NLGN4X: variants seen among roughly 807,000 people sequenced by gnomAD.
NLGN4X encodes the protein neuroligin 4 X-linked.
NLGN4X carries 3 observed loss-of-function variants against 40.3 expected under a neutral mutation model. The observed-to-expected ratio is 0.07, with a 90% confidence interval of 0.03 to 0.19. NLGN4X has a LOEUF of 0.19. Ranked by LOEUF, NLGN4X falls within the 10% of genes least tolerant of loss-of-function variation. The probability of loss-of-function intolerance (pLI) is 1.00; values close to 1 mark genes in which losing one functional copy is unlikely to be tolerated. For synonymous variants in NLGN4X, 270 were observed against 306.8 expected (o/e 0.88, Z 1.25); for missense variants, 382 against 708.3 (o/e 0.54, Z 5.23).
At chrX:6,058,225 T>C (rs1332526052) in intron 2 of NLGN4X, among the ~76,000 whole-genome samples, 1 of 111,251 alleles carries the variant, frequency 9.0e-6, no homozygotes, top group Non-Finnish European at 1.9e-5. Flanking sequence ...AATTGAAGCA[T>C]TGATAGCTTA....
intron 3 of NLGN4X, among the ~76,000 whole-genome samples, chrX:5,994,324 T>C (rs779742439): frequency 2.7e-5 from 3 of 111,898 alleles, no homozygotes; most frequent in South Asian, 3.8e-4. Context: ...CCAGCCAGTA[T>C]GTACTTTACT....
chrX:5,915,175 T>C (rs963788575), intron 3 of NLGN4X, among the ~76,000 whole-genome samples: 7 of 112,415 alleles, frequency 6.2e-5, no homozygotes, highest in African/African-American at 2.3e-4. Context: ...CTATTTCCAA[T>C]ATCAGTAGAG....
chrX:6,066,310 G>A (rs961364681), intron 2 of NLGN4X, among the ~76,000 whole-genome samples: 3 of 111,968 alleles, frequency 2.7e-5, no homozygotes, highest in African/African-American at 9.8e-5. Flanking sequence ...ACCTCATCTT[G>A]TCCTATGCTA....
At chrX:6,048,495 A>G (rs757570978) in intron 2 of NLGN4X, among the ~76,000 whole-genome samples, 1 of 111,727 alleles carries the variant, frequency 9.0e-6, no homozygotes, top group South Asian at 3.8e-4. Context: ...TTTTCTAATA[A>G]TCGCCATTCT....
At chrX:6,120,588 T>C (rs1297177286) in intron 2 of NLGN4X, among the ~76,000 whole-genome samples, 1 of 112,118 alleles carries the variant, frequency 8.9e-6, no homozygotes, top group Admixed American at 9.5e-5. Flanking sequence ...ATCATATAAC[T>C]GCAGTGTTCA....
intron 3 of NLGN4X, among the ~76,000 whole-genome samples, chrX:5,992,703 G>C (rs1007404230): frequency 4.5e-5 from 5 of 111,728 alleles, no homozygotes; most frequent in South Asian, 7.6e-4. Flanking sequence ...AGGCCTCAGG[G>C]AGCTTCCACT....
intron 2 of NLGN4X, among the ~76,000 whole-genome samples, chrX:6,110,389 G>A (rs945426497): frequency 8.1e-5 from 9 of 110,998 alleles, no homozygotes; most frequent in African/African-American, 2.0e-4. Context: ...GAAATTTGGC[G>A]ACCCTCCCAA....
At chrX:5,955,226 C>A (rs1248917212) in intron 3 of NLGN4X, among the ~76,000 whole-genome samples, 1 of 111,169 alleles carries the variant, frequency 9.0e-6, no homozygotes, top group Admixed American at 9.6e-5. Flanking sequence ...CATGAGAGAG[C>A]CCTTTATTTC....
chrX:5,931,137 T>A lies in NLGN4X; in HGVS notation c.626-21898A>T, dbSNP rs183000887. On this transcript the variant is annotated intron_variant, in intron 3 of 5. Coordinates refer to ENST00000381095, the MANE Select transcript of NLGN4X (RefSeq NM_181332.3). ...TGGGTTGGGAGGCAGAGTGGGGAAA[T>A]GTAGTGGATTTGCTCTCTGGAGCTC... 8.2e-3 allele frequency among the ~76,000 whole-genome samples: 920 copies of A among 112,078 alleles called. 12 individuals carry two copies. The highest frequency in any genetic ancestry group is 0.028 in the African/African-American group (850 of 30,875).
chrX:6,064,457 T>C lies in NLGN4X; in HGVS notation c.473-35025A>G, dbSNP rs878948966. 5.0e-4 allele frequency among the ~76,000 whole-genome samples: 56 copies of C among 111,911 alleles called. 1 individual carries two copies. Among genetic ancestry groups the C allele is most frequent in the African/African-American group, 1.7e-3 (52 of 30,845 alleles). On this transcript the variant is annotated intron_variant, in intron 2 of 5. Coordinates refer to ENST00000381095, the MANE Select transcript of NLGN4X (RefSeq NM_181332.3). Reference sequence around the variant, plus strand: ...TCCCCGCCCGCTGGGAGAATTTCCATTGTGAAAAACACATTTACAATCATC... The same window carrying C: ...TCCCCGCCCGCTGGGAGAATTTCCACTGTGAAAAACACATTTACAATCATC...
intron 3 of NLGN4X, among the ~76,000 whole-genome samples, chrX:6,025,431 A>G (rs1199441748): frequency 8.9e-6 from 1 of 111,792 alleles, no homozygotes; most frequent in African/African-American, 3.3e-5. Context: ...TATTTGATAG[A>G]TATTAGTTAG....
At chrX:6,068,000 G>A (rs904889273) in intron 2 of NLGN4X, among the ~76,000 whole-genome samples, 2 of 111,427 alleles carry the variant, frequency 1.8e-5, no homozygotes, top group South Asian at 3.8e-4. Flanking sequence ...TATAATCCAC[G>A]TGTTGGGATC....
intron 2 of NLGN4X, among the ~76,000 whole-genome samples, chrX:6,138,628 C>T (rs1015815655): frequency 9.0e-6 from 1 of 111,591 alleles, no homozygotes; most frequent in Non-Finnish European, 1.9e-5. Context: ...TTACCATCTA[C>T]TGGGGAGGGC....
intron 1 of NLGN4X, among the ~76,000 whole-genome samples, chrX:6,220,734 CT>C (rs774553248): frequency 0.032 from 2,111 of 66,481 alleles, 28 homozygotes; most frequent in African/African-American, 0.11. Flanking sequence ...TTATAACTTT[CT>C]TTTTTTTTTT....
At chrX:6,147,069 G>A (rs1373652045) in intron 2 of NLGN4X, among the ~76,000 whole-genome samples, 3 of 112,079 alleles carry the variant, frequency 2.7e-5, no homozygotes, top group South Asian at 7.5e-4. Context: ...TCGGATTAGA[G>A]GCATGAGCCA....
chrX:6,069,394 A>C (rs1190847362), intron 2 of NLGN4X, among the ~76,000 whole-genome samples: 2 of 112,453 alleles, frequency 1.8e-5, no homozygotes, highest in Non-Finnish European at 3.8e-5. Context: ...GCTGTTACAA[A>C]GGAAGGTATA....
At chrX:6,023,999 CA>C (rs745656445) in intron 3 of NLGN4X, among the ~76,000 whole-genome samples, 2 of 105,517 alleles carry the variant, frequency 1.9e-5, no homozygotes, top group Admixed American at 1.0e-4. Context: ...ACAACAACAA[CA>C]AAAAAAAAAC....
chrX:5,939,220 G>A (rs1306508609), intron 3 of NLGN4X, among the ~76,000 whole-genome samples: 2 of 111,307 alleles, frequency 1.8e-5, no homozygotes, highest in Non-Finnish European at 3.8e-5. Flanking sequence ...GATGGGAACA[G>A]TCTGATAGGA....
intron 3 of NLGN4X, among the ~76,000 whole-genome samples, chrX:5,918,275 T>C (rs751373248): frequency 3.6e-5 from 4 of 112,058 alleles, no homozygotes; most frequent in Non-Finnish European, 7.5e-5. Context: ...TTAAGATACA[T>C]TTTTGTACTT....
Sources: gnomAD v4.1 joint callset for allele counts (sites outside exome capture counted in the v4.1 genomes callset) on GRCh38, gnomAD v4.1.1 for gene constraint, MANE v1.5 for transcripts, NCBI Gene and HGNC (gene_info 2026-07-23, HGNC 2026-07-21) for gene names.